Variants in JPH2 observed in about 807,000 individuals in gnomAD.
JPH2 encodes junctophilin 2.
JPH2 carries 38 observed loss-of-function variants against 55.9 expected under a neutral mutation model. That is an observed-to-expected ratio of 0.68 (90% confidence interval 0.52 to 0.89). JPH2 has a LOEUF of 0.89. Among genes scored for constraint, JPH2 ranks in the 40% least tolerant of loss-of-function variants. The pLI is 0.00. For missense variants in JPH2, 964 were observed against 1,037.6 expected, an observed-to-expected ratio of 0.93 and a Z score of 0.97; for synonymous variants, 480 against 472.4, an observed-to-expected ratio of 1.02 and a Z score of -0.21.
At chr20:44,120,335 A>G (rs1044684444) in intron 2 of JPH2, among the ~76,000 whole-genome samples, 2 of 152,086 alleles carry the variant, frequency 1.3e-5, no homozygotes, top group Non-Finnish European at 2.9e-5. Context: ...TTAAATATTC[A>G]TTGTCTTAAG....
intron 1 of JPH2, among the ~76,000 whole-genome samples, chr20:44,162,787 T>TACACAC (rs765198116): frequency 0.015 from 613 of 40,970 alleles, 25 homozygotes; most frequent in African/African-American, 0.058. Flanking sequence ...TATATATATA[T>TACACAC]ACACACACAC....
rs1441903967 is a variant in JPH2 at position 44,111,272 on chromosome 20, C to T, written c.*2246G>A. Reference sequence around the variant, plus strand: ...AGCTAACAGCACCATAGCGTGATAACAACACTCGTCTCCATTTCTCCACTG... The same window carrying T: ...AGCTAACAGCACCATAGCGTGATAATAACACTCGTCTCCATTTCTCCACTG... On this transcript the variant is annotated 3_prime_UTR_variant, in exon 6 of 6. Transcript: ENST00000372980. Among the ~76,000 whole-genome samples, 1 of 152,200 alleles carries T rather than the reference C, an allele frequency of 6.6e-6. No homozygotes were observed. The highest frequency in any genetic ancestry group is 2.4e-5 in the African/African-American group (1 of 41,450).
rs141888255 is a variant in JPH2 at position 44,128,383 on chromosome 20, C to T, written c.1170-9760G>A. Among the ~76,000 whole-genome samples, 17 of 152,242 alleles carry T rather than the reference C, an allele frequency of 1.1e-4. No homozygotes were observed. The East Asian group carries it at 1.3e-3, about 12-fold the overall frequency. On this transcript the variant is annotated intron_variant, in intron 2 of 5. Transcript: ENST00000372980. ...GGAGGTTAGATCATTTGCTCATTCT[C>T]GTTATAATCAAAGTAATAATGAAGG... is the stretch of plus-strand genomic sequence containing the variant.
At chr20:44,121,702 C>G (rs1351285954) in intron 2 of JPH2, among the ~76,000 whole-genome samples, 2 of 152,044 alleles carry the variant, frequency 1.3e-5, no homozygotes, top group African/African-American at 4.8e-5. Flanking sequence ...TTCTAAAGAA[C>G]CCAAGCCAGC....
chr20:44,168,982 T>G (rs962357330), intron 1 of JPH2, among the ~76,000 whole-genome samples: 1 of 152,070 alleles, frequency 6.6e-6, no homozygotes, highest in Non-Finnish European at 1.5e-5. Context: ...GCCTGGCACC[T>G]TTTCACTCTC....
At chr20:44,134,673 TA>T (rs2072387096) in intron 2 of JPH2, among the ~76,000 whole-genome samples, 1 of 36,050 alleles carries the variant, frequency 2.8e-5, no homozygotes, top group African/African-American at 1.2e-4. Flanking sequence ...TATAAATATA[TA>T]TTTATAAATA....
intron 2 of JPH2, among the ~76,000 whole-genome samples, chr20:44,147,607 C>T (rs2145868964): frequency 6.6e-6 from 1 of 152,302 alleles, no homozygotes; most frequent in South Asian, 2.1e-4. Context: ...AGAGGTGCAA[C>T]CCGGGTGGAA....
chr20:44,155,172 T>C (rs2072556757), intron 2 of JPH2, among the ~76,000 whole-genome samples: 1 of 152,200 alleles, frequency 6.6e-6, no homozygotes, highest in Non-Finnish European at 1.5e-5. Flanking sequence ...CTGGCTGCCC[T>C]GTGCCAGGCA....
chr20:44,184,241 G>A (rs966355602), intron 1 of JPH2, among the ~76,000 whole-genome samples: 2 of 152,038 alleles, frequency 1.3e-5, no homozygotes, highest in Non-Finnish European at 2.9e-5. Flanking sequence ...GTTACGTAGG[G>A]GCTTTCAAAT....
At chr20:44,168,386 G>T (rs1044356774) in intron 1 of JPH2, among the ~76,000 whole-genome samples, 19 of 151,030 alleles carry the variant, frequency 1.3e-4, no homozygotes, top group Non-Finnish European at 2.8e-4. Context: ...TGTGGATAAT[G>T]AGTTAAATAA....
intron 1 of JPH2, among the ~76,000 whole-genome samples, chr20:44,184,510 A>T (rs915468278): frequency 1.3e-5 from 2 of 152,182 alleles, no homozygotes; most frequent in African/African-American, 4.8e-5. Flanking sequence ...TTGCATTTCT[A>T]ACTGGTGGAT....
Position 44,160,248 on chromosome 20 carries a change from G to A in JPH2, c.539C>T (p.Pro180Leu), listed in dbSNP as rs2072600381. 1.3e-6 allele frequency: 2 copies of A among 1,516,098 alleles called. No homozygotes were observed. The highest frequency in any genetic ancestry group is 1.8e-6 in the Non-Finnish European group (2 of 1,136,424). 93.9% of individuals were successfully genotyped at this position (1,516,098 alleles called of 1,614,324 possible). Residue 180 changes from proline to leucine, a missense_variant, in exon 2 of 6, where the codon CCC becomes CTC. Transcript: ENST00000372980. The surrounding 1 kb of genome is among the most constrained non-coding windows in gnomAD (Gnocchi z 4.9). ...HSNGTVAPDS[P>L]ASPASDGPAL... ...GGGGCCGTCGGAGGCCGGCGAGGCGGGAGAGTCCGGGGCCACCGTGCCGTT... is the reference window on the plus strand; with the variant it reads ...GGGGCCGTCGGAGGCCGGCGAGGCGAGAGAGTCCGGGGCCACCGTGCCGTT...
intron 2 of JPH2, among the ~76,000 whole-genome samples, chr20:44,149,238 C>T (rs568354786): frequency 2.6e-5 from 4 of 152,268 alleles, no homozygotes; most frequent in African/African-American, 9.6e-5. Flanking sequence ...TCTCCACCAT[C>T]TCCCCAGATC....
At chr20:44,113,890 C>T (rs2145836403) in intron 5 of JPH2, among the ~76,000 whole-genome samples, 1 of 152,332 alleles carries the variant, frequency 6.6e-6, no homozygotes, top group East Asian at 1.9e-4. Flanking sequence ...AGTGTTCACC[C>T]CTACGGCAGC....
At chr20:44,133,333 A>G (rs955934025) in intron 2 of JPH2, among the ~76,000 whole-genome samples, 1 of 151,740 alleles carries the variant, frequency 6.6e-6, no homozygotes, top group Non-Finnish European at 1.5e-5. Context: ...ACTCCAAAAT[A>G]AATATTTTTA....
chr20:44,140,949 T>C (rs1267572081), intron 2 of JPH2, among the ~76,000 whole-genome samples: 1 of 152,182 alleles, frequency 6.6e-6, no homozygotes, highest in Admixed American at 6.5e-5. Context: ...ACGAGTGTTA[T>C]CTAACCCCAA....
At position 44,116,369 on chromosome 20, in the gene JPH2, G is replaced by T; in HGVS notation, c.1306C>A (p.Arg436Ser). 1 of 1,547,856 alleles carries T rather than the reference G, an allele frequency of 6.5e-7. No homozygotes were observed. The change falls in exon 4 of 6, where the codon CGC (arginine) becomes AGC (serine). Residue 436 changes from arginine to serine, a missense_variant. Transcript: ENST00000372980. ...FYQPGPEYQK[R>S]RLLQEILENS... ...TCCAGGATCTCCTGCAGCAGCCGGC[G>T]CTTCTGATATTCCGGACCTGCCAGG...
At chr20:44,168,702 C>G (rs754523417) in intron 1 of JPH2, among the ~76,000 whole-genome samples, 1 of 152,232 alleles carries the variant, frequency 6.6e-6, no homozygotes, top group Non-Finnish European at 1.5e-5. Flanking sequence ...AATATGAGAA[C>G]TTCCCTTACA....
intron 2 of JPH2, among the ~76,000 whole-genome samples, chr20:44,132,355 G>GACAC (rs749014190): frequency 0.036 from 3,667 of 101,000 alleles, 88 homozygotes; most frequent in Middle Eastern, 0.064. Flanking sequence ...CAGACAGACA[G>GACAC]ACACACACAC....
Sources: gnomAD v4.1 joint callset for allele counts (sites outside exome capture counted in the v4.1 genomes callset) on GRCh38, gnomAD v4.1.1 for gene constraint, Gnocchi (gnomAD v3.1) non-coding constraint, MANE v1.5 for transcripts, NCBI Gene and HGNC (gene_info 2026-07-23, HGNC 2026-07-21) for gene names.